Variants in UHRF2 observed in about 807,000 individuals in gnomAD.
UHRF2 encodes the protein ubiquitin like with PHD and ring finger domains 2, also known as E3 ubiquitin-protein ligase UHRF2.
In UHRF2, 23 loss-of-function variants were observed where a neutral mutation model predicts 96.8. That is an observed-to-expected ratio of 0.24 (90% CI 0.17 to 0.34). The LOEUF (loss-of-function observed/expected upper bound fraction) is 0.34. Among genes scored for constraint, UHRF2 ranks in the 10% least tolerant of loss-of-function variants. The pLI, the probability that UHRF2 is intolerant of heterozygous loss-of-function variation, is 1.00. For synonymous variants in UHRF2, 385 were observed against 332.6 expected (o/e 1.16, Z -1.72); for missense variants, 685 against 981.5 (o/e 0.70, Z 4.04).
At position 6,451,478 on chromosome 9, in the gene UHRF2, TG is replaced by T. The variant is rs1259133132; in HGVS notation, c.645-9094del. Reference sequence around the variant, plus strand: ...CTAGTTTTTTTTTGTTTTTTTTTTTTGTTTGTTTGTTTGTTTTTGAGACGGA... The same window carrying T: ...CTAGTTTTTTTTTGTTTTTTTTTTTTTTTGTTTGTTTGTTTTTGAGACGGA... On this transcript the variant is annotated intron_variant, in intron 3 of 15. Transcript: ENST00000276893. 3.8e-3 allele frequency among the ~76,000 whole-genome samples: 494 copies of T among 128,338 alleles called. 2 individuals carry two copies. Among genetic ancestry groups the T allele is most frequent in the African/African-American group, 9.8e-3 (356 of 36,346 alleles). 84.2% of individuals were successfully genotyped at this position (128,338 alleles called of 152,430 possible).
At chr9:6,433,269 C>A (rs1752856520) in intron 2 of UHRF2, among the ~76,000 whole-genome samples, 1 of 152,192 alleles carries the variant, frequency 6.6e-6, no homozygotes, top group African/African-American at 2.4e-5. Flanking sequence ...TGTGGATCAG[C>A]CACTGGAATT....
At chr9:6,438,875 T>TA (rs1184277643) in intron 3 of UHRF2, among the ~76,000 whole-genome samples, 1 of 152,218 alleles carries the variant, frequency 6.6e-6, no homozygotes, top group Non-Finnish European at 1.5e-5. Flanking sequence ...AGAGCAGAGT[T>TA]AAAAACAATC....
intron 2 of UHRF2, among the ~76,000 whole-genome samples, chr9:6,429,792 C>T (rs11998897): frequency 0.021 from 3,262 of 152,306 alleles, 127 homozygotes; most frequent in African/African-American, 0.075. Flanking sequence ...AATTAAGTAA[C>T]TTGTTCATGG....
intron 4 of UHRF2, among the ~76,000 whole-genome samples, chr9:6,467,547 A>G (rs1386917564): frequency 6.8e-6 from 1 of 146,868 alleles, no homozygotes; most frequent in Non-Finnish European, 1.5e-5. Context: ...TCTAGGCACT[A>G]GTTACAATAG....
chr9:6,420,817 A>G lies in UHRF2; in HGVS notation c.154-95A>G, dbSNP rs1164428764. On this transcript the variant is annotated intron_variant, in intron 1 of 15. Transcript: ENST00000276893. ...TTTAAAATCTCTAAACTGTAGTGCT[A>G]TGGATTTTAAGTTTGGCTAGGACAT... 18 of 971,158 alleles carry G rather than the reference A, an allele frequency of 1.9e-5. No homozygotes were observed. The East Asian group carries it at 2.7e-4, about 15-fold the overall frequency. The allele number at this position is 971,158 out of a possible 1,614,324, so 60.2% of individuals were successfully genotyped here. A position where few individuals can be genotyped will look rare whatever the true frequency, so the allele number is the denominator to read the frequency against.
intron 1 of UHRF2, chr9:6,415,460 C>T (rs1240010850): frequency 6.6e-6 from 1 of 152,122 alleles, no homozygotes; most frequent in Non-Finnish European, 1.5e-5. Flanking sequence ...TGACAAGTAG[C>T]TATGGCAATG....
rs146801933 is a variant in UHRF2, at chr9:6,446,620, G to A, written c.644+12447G>A. The stretch of plus-strand genomic sequence containing the variant: ...TCCCAGCAGTTTGGGAGGCCAAGGC[G>A]GGTGGATCACTTGGGGACGACAGGC... On this transcript the variant is annotated intron_variant, in intron 3 of 15. Transcript: ENST00000276893. Among the ~76,000 whole-genome samples the A allele has an allele frequency of 3.3e-3, 501 of 151,932 alleles. 1 individual carries two copies. The highest frequency in any genetic ancestry group is 0.012 in the African/African-American group (486 of 41,524).
intron 1 of UHRF2, among the ~76,000 whole-genome samples, chr9:6,419,973 T>G (rs1464095907): frequency 6.6e-6 from 1 of 152,042 alleles, no homozygotes; most frequent in Non-Finnish European, 1.5e-5. Flanking sequence ...GGTCTGGAGC[T>G]CCTGGGCTCA....
At chr9:6,482,960 T>A (rs1331596218) in intron 8 of UHRF2, among the ~76,000 whole-genome samples, 1 of 152,144 alleles carries the variant, frequency 6.6e-6, no homozygotes. Flanking sequence ...AACATACACT[T>A]ATCCCTTGGT....
chr9:6,487,479 G>C (rs1335364120), intron 9 of UHRF2, among the ~76,000 whole-genome samples: 2 of 152,164 alleles, frequency 1.3e-5, no homozygotes, highest in Admixed American at 6.5e-5. Context: ...CGATTCTCCT[G>C]CCTCCACCTC....
At chr9:6,484,977 G>C (rs1377611813) in intron 8 of UHRF2, among the ~76,000 whole-genome samples, 1 of 151,540 alleles carries the variant, frequency 6.6e-6, no homozygotes, top group African/African-American at 2.4e-5. Flanking sequence ...ATTTTTAGTA[G>C]AGATGGGGTT....
rs528992181 is a variant in UHRF2, at chr9:6,506,639, T to C, written c.*460T>C. On this transcript the variant is annotated 3_prime_UTR_variant, in exon 16 of 16. Transcript: ENST00000276893. ...ATGAACACAGCTTCTAAAGTGTGCA[T>C]ATACTTTTTTAACGTCTCTTCTTCC... 6.5e-6 allele frequency: 1 copy of C among 153,208 alleles called. No individual in the cohort carries two copies. The highest frequency in any genetic ancestry group is 2.4e-5 in the African/African-American group (1 of 41,588). 9.5% of individuals were successfully genotyped at this position (153,208 alleles called of 1,614,324 possible).
chr9:6,484,785 C>CTTTCTTT (rs1563796712), intron 8 of UHRF2: 1 of 66,302 alleles, frequency 1.5e-5, no homozygotes, highest in East Asian at 4.0e-4. Context: ...TCACTTCTTT[C>CTTTCTTT]TTTTTTTTTT....
At chr9:6,457,757 G>A (rs1822270111) in intron 3 of UHRF2, among the ~76,000 whole-genome samples, 1 of 152,220 alleles carries the variant, frequency 6.6e-6, no homozygotes, top group African/African-American at 2.4e-5. Context: ...CGTCTGTTAA[G>A]ATAATCATGT....
intron 4 of UHRF2, among the ~76,000 whole-genome samples, chr9:6,473,724 C>T (rs911998877): frequency 6.6e-6 from 1 of 152,166 alleles, no homozygotes; most frequent in African/African-American, 2.4e-5. Context: ...TCTGTCACAA[C>T]TACTTAACTC....
chr9:6,477,245 C>A (rs2130897500), intron 5 of UHRF2, among the ~76,000 whole-genome samples: 1 of 151,346 alleles, frequency 6.6e-6, no homozygotes, highest in East Asian at 2.0e-4. Context: ...AAAAAAAAGA[C>A]TGGGTGTGGT....
In UHRF2 at chr9:6,462,108, G is replaced by A. The variant is rs1465244682; in HGVS notation, c.863+1317G>A. ...TTGGAACAATGATTAAAAATCTAAAGCGAGGATAGGCAAGCTTATAGCCCA... is the reference window on the plus strand; with the variant it reads ...TTGGAACAATGATTAAAAATCTAAAACGAGGATAGGCAAGCTTATAGCCCA... On this transcript the variant is annotated intron_variant, in intron 4 of 15. Transcript: ENST00000276893. 2.0e-5 allele frequency among the ~76,000 whole-genome samples: 3 copies of A among 152,108 alleles called. No homozygotes were observed. In the South Asian group the frequency reaches 6.2e-4, roughly 32 times the overall value.
In UHRF2 at chr9:6,445,397, G is replaced by C. The variant is rs761773550; in HGVS notation, c.644+11224G>C. Among the ~76,000 whole-genome samples the C allele has an allele frequency of 5.2e-4, 79 of 152,134 alleles. 1 individual carries two copies. The highest frequency in any genetic ancestry group is 3.9e-4 in the East Asian group (2 of 5,166). ...TCCTGCTTCAGCCTCCTGAGTAACG[G>C]ATTACAGGGGCATTCCACCACATTC... is the stretch of plus-strand genomic sequence containing the variant. On this transcript the variant is annotated intron_variant, in intron 3 of 15. Coordinates refer to ENST00000276893, the MANE Select transcript of UHRF2 (RefSeq NM_152896.3).
intron 8 of UHRF2, 65 bp downstream of exon 8, chr9:6,482,164 G>T: frequency 1.5e-6 from 2 of 1,310,670 alleles, no homozygotes; most frequent in Non-Finnish European, 2.2e-6. Flanking sequence ...CAATGTTAAT[G>T]TCTGTTGATT....
Sources: gnomAD v4.1 joint callset for allele counts (sites outside exome capture counted in the v4.1 genomes callset) on GRCh38, gnomAD v4.1.1 for gene constraint, MANE v1.5 for transcripts, NCBI Gene and HGNC (gene_info 2026-07-23, HGNC 2026-07-21) for gene names.